CDK14: variants seen among roughly 807,000 people sequenced by gnomAD.
CDK14 encodes cyclin dependent kinase 14.
In CDK14, 34 loss-of-function variants were observed where a neutral mutation model predicts 60.7. That is an observed-to-expected ratio of 0.56 (90% CI 0.43 to 0.75). The LOEUF (loss-of-function observed/expected upper bound fraction) is 0.75. CDK14 is among the 30% of genes least tolerant of loss of function. The pLI is 0.00. For synonymous variants in CDK14, 197 were observed against 203.7 expected (o/e 0.97, Z 0.28); for missense variants, 482 against 564.1 (o/e 0.85, Z 1.47).
At chr7:90,808,647 C>T (rs1010707962) in intron 5 of CDK14, among the ~76,000 whole-genome samples, 14 of 152,094 alleles carry the variant, frequency 9.2e-5, no homozygotes. Flanking sequence ...GGGCTAAATG[C>T]TCCAATTAAA....
At chr7:90,649,433 C>CTTTCTT (rs1554427257) in intron 2 of CDK14, among the ~76,000 whole-genome samples, 30 of 68,002 alleles carry the variant, frequency 4.4e-4, no homozygotes, top group South Asian at 1.2e-3. Flanking sequence ...TTCTTTCTTT[C>CTTTCTT]TCTTTCCTTC....
intron 9 of CDK14, 62 bp downstream of exon 9, chr7:90,955,879 A>G: frequency 6.3e-7 from 1 of 1,580,286 alleles, no homozygotes; most frequent in Non-Finnish European, 8.7e-7. Context: ...GGTCAAGCCT[A>G]GACAAACATC....
chr7:91,098,114 T>G (rs1395695774), intron 12 of CDK14, among the ~76,000 whole-genome samples: 1 of 152,224 alleles, frequency 6.6e-6, no homozygotes, highest in Admixed American at 6.5e-5. Context: ...CAATTCTTGC[T>G]TTAGACATAA....
intron 2 of CDK14, among the ~76,000 whole-genome samples, chr7:90,695,061 A>G (rs1366216590): frequency 1.3e-5 from 2 of 152,186 alleles, no homozygotes; most frequent in Non-Finnish European, 2.9e-5. Flanking sequence ...CCTGTTGCCT[A>G]CAAGATGACA....
chr7:91,120,603 G>A (rs1168320524), intron 14 of CDK14, among the ~76,000 whole-genome samples: 2 of 143,000 alleles, frequency 1.4e-5, no homozygotes, highest in Admixed American at 7.3e-5. Flanking sequence ...GCATAATCTT[G>A]GCTCTCTGCA....
intron 6 of CDK14, among the ~76,000 whole-genome samples, chr7:90,885,428 A>G (rs1791910838): frequency 6.6e-6 from 1 of 152,086 alleles, no homozygotes; most frequent in Admixed American, 6.6e-5. Flanking sequence ...TCGGGAAACA[A>G]TAGATGGTGG....
intron 11 of CDK14, among the ~76,000 whole-genome samples, chr7:91,079,225 T>G (rs1170002697): frequency 6.6e-6 from 1 of 152,212 alleles, no homozygotes; most frequent in Non-Finnish European, 1.5e-5. Context: ...CATCTTAGAC[T>G]AAAGAAAACA....
At chr7:90,683,136 T>A (rs1465398459) in intron 2 of CDK14, among the ~76,000 whole-genome samples, 1 of 152,196 alleles carries the variant, frequency 6.6e-6, no homozygotes, top group Non-Finnish European at 1.5e-5. Context: ...TCGATTTGTC[T>A]TTACTGTGGT....
intron 5 of CDK14, among the ~76,000 whole-genome samples, chr7:90,816,743 T>C (rs1040906630): frequency 6.6e-6 from 1 of 152,150 alleles, no homozygotes; most frequent in Admixed American, 6.5e-5. Flanking sequence ...GGCAACAGTT[T>C]TAGGGCCAAA....
intron 12 of CDK14, among the ~76,000 whole-genome samples, chr7:91,110,521 A>C (rs1264631117): frequency 6.6e-6 from 1 of 152,150 alleles, no homozygotes; most frequent in African/African-American, 2.4e-5. Flanking sequence ...AATAGATGAG[A>C]AAACCAAGAT....
At chr7:90,912,239 C>T (rs144575063) in intron 7 of CDK14, among the ~76,000 whole-genome samples, 176 of 152,250 alleles carry the variant, frequency 1.2e-3, no homozygotes, top group Middle Eastern at 0.01. Context: ...TTATCTAGTT[C>T]AGCACGTGAA....
chr7:90,733,632 CCTTG>C (rs1220436569), intron 3 of CDK14, among the ~76,000 whole-genome samples: 2 of 151,624 alleles, frequency 1.3e-5, no homozygotes, highest in African/African-American at 4.8e-5. Context: ...CGAGTGCAAC[CCTTG>C]CTTTTGTTGC....
intron 2 of CDK14, among the ~76,000 whole-genome samples, chr7:90,689,787 A>G (rs954803137): frequency 1.3e-5 from 2 of 152,218 alleles, no homozygotes; most frequent in African/African-American, 2.4e-5. Context: ...GAAAAAATGT[A>G]TGGAACTTAA....
chr7:91,052,514 A>G (rs1797421385), intron 11 of CDK14, among the ~76,000 whole-genome samples: 1 of 152,218 alleles, frequency 6.6e-6, no homozygotes, highest in Non-Finnish European at 1.5e-5. Context: ...CTTCGTATAA[A>G]ATGGTTTAGC....
intron 14 of CDK14, among the ~76,000 whole-genome samples, chr7:91,173,310 G>C (rs767125): frequency 6.6e-6 from 1 of 152,068 alleles, no homozygotes; most frequent in African/African-American, 2.4e-5. Context: ...TTAAAGTCCA[G>C]TTTTGGGGTG....
intron 12 of CDK14, among the ~76,000 whole-genome samples, chr7:91,080,808 C>G (rs1468347713): frequency 2.0e-5 from 3 of 152,132 alleles, no homozygotes; most frequent in Non-Finnish European, 4.4e-5. Context: ...ACAGGAAAAT[C>G]TGAAACTATC....
Position 91,045,816 on chromosome 7 carries a change from T to G in CDK14, c.1042-81T>G, listed in dbSNP as rs952609363. 10 of 836,680 alleles carry G rather than the reference T, an allele frequency of 1.2e-5. No homozygotes were observed. The African/African-American group carries it at 1.7e-4, about 14-fold the overall frequency. The allele number at this position is 836,680 out of a possible 1,614,324, so 51.8% of individuals were successfully genotyped here. ...AATACCAGAGTTTCATAATATGTAG[T>G]GTACTATTTTTCTACACTTGAGAAT... On this transcript the variant is annotated intron_variant, in intron 10 of 14. Transcript: ENST00000380050.
chr7:90,993,291 G>T (rs1440595496), intron 10 of CDK14, among the ~76,000 whole-genome samples: 1 of 151,892 alleles, frequency 6.6e-6, no homozygotes. Flanking sequence ...TTGAGAACTG[G>T]GTCAATGAAG....
chr7:90,650,898 C>T (rs1800622431), intron 2 of CDK14, among the ~76,000 whole-genome samples: 1 of 152,186 alleles, frequency 6.6e-6, no homozygotes, highest in African/African-American at 2.4e-5. Context: ...TGTGATGCCT[C>T]CAGCTTTGTT....
Sources: gnomAD v4.1 joint callset for allele counts (sites outside exome capture counted in the v4.1 genomes callset) on GRCh38, gnomAD v4.1.1 for gene constraint, MANE v1.5 for transcripts, NCBI Gene and HGNC (gene_info 2026-07-23, HGNC 2026-07-21) for gene names.